WIPF3: variants seen among roughly 807,000 people sequenced by gnomAD.
The protein encoded by WIPF3 is WAS/WASL-interacting protein family member 3.
Under a neutral mutation model 38.9 loss-of-function variants are expected in WIPF3, and 33 were observed. The observed-to-expected ratio is 0.85, with a 90% confidence interval of 0.64 to 1.14. The LOEUF (loss-of-function observed/expected upper bound fraction) is 1.14, where lower values mean the gene tolerates loss of function less well. Among genes scored for constraint, WIPF3 ranks in the 50% most tolerant of loss-of-function variants. The pLI, the probability that WIPF3 is intolerant of heterozygous loss-of-function variation, is 0.00. For missense variants in WIPF3, 711 were observed against 652.5 expected (o/e 1.09, Z -0.98); for synonymous variants, 324 against 269.3 (o/e 1.20, Z -1.99).
At chr7:29,814,349 T>G (rs1415751744) in intron 1 of WIPF3, among the ~76,000 whole-genome samples, 1 of 152,252 alleles carries the variant, frequency 6.6e-6, no homozygotes, top group Non-Finnish European at 1.5e-5. Context: ...TGTTACAAGC[T>G]ATCATTTGTG....
At chr7:29,828,470 G>A (rs768572709) in intron 1 of WIPF3, among the ~76,000 whole-genome samples, 1 of 152,164 alleles carries the variant, frequency 6.6e-6, no homozygotes, top group African/African-American at 2.4e-5. Context: ...TGTGCGACCT[G>A]CAGACGTGTT....
chr7:29,830,631 A>C (rs1031766197), intron 1 of WIPF3, among the ~76,000 whole-genome samples: 1 of 151,916 alleles, frequency 6.6e-6, no homozygotes, highest in African/African-American at 2.4e-5. Flanking sequence ...AAAAAAAAAA[A>C]AAAAAGAAAG....
At chr7:29,831,146 T>C (rs1422713302) in intron 1 of WIPF3, among the ~76,000 whole-genome samples, 2 of 152,242 alleles carry the variant, frequency 1.3e-5, no homozygotes, top group Non-Finnish European at 2.9e-5. Flanking sequence ...TTTGTACTTA[T>C]TGTTGGTGGT....
chr7:29,884,372 C>CG lies in WIPF3; in HGVS notation c.879dup (p.Pro294AlafsTer24). 3 of 1,449,562 alleles carry CG rather than the reference C, an allele frequency of 2.1e-6. No homozygotes were observed. Among genetic ancestry groups the CG allele is most frequent in the South Asian group, 1.4e-5 (1 of 72,428 alleles). The allele number at this position is 1,449,562 out of a possible 1,614,324, so 89.8% of individuals were successfully genotyped here. ...GATGCGCAGGAGCCTCCCGCCCCGC[C>CG]GCCCCCGCTCCCCCCTTATGCTTCT... On this transcript the variant is annotated frameshift_variant, in exon 5 of 9. Transcript: ENST00000242140. LOFTEE classifies it high-confidence loss of function.
chr7:29,886,359 T>C (rs963580171), intron 5 of WIPF3, among the ~76,000 whole-genome samples: 17 of 139,488 alleles, frequency 1.2e-4, no homozygotes, highest in Non-Finnish European at 1.6e-4. Flanking sequence ...TTTTTTTTTT[T>C]TTTTTTTTTT....
Position 29,818,865 on chromosome 7 carries a change from A to G in WIPF3, c.-58+12187A>G, listed in dbSNP as rs188640597. On this transcript the variant is annotated intron_variant, in intron 1 of 8. Coordinates refer to ENST00000242140, the MANE Select transcript of WIPF3 (RefSeq NM_001080529.3). The stretch of plus-strand genomic sequence containing the variant: ...TATAGATATTTAGAGGCAGCTATGG[A>G]GATGATTGTATGATTTTCCTGTTTT... Among the ~76,000 whole-genome samples, 28 of 152,250 alleles carry G rather than the reference A, an allele frequency of 1.8e-4. 1 individual carries two copies. The highest frequency in any genetic ancestry group is 1.3e-3 in the Admixed American group (20 of 15,290).
intron 8 of WIPF3, among the ~76,000 whole-genome samples, chr7:29,911,576 C>T (rs1246443504): frequency 6.6e-6 from 1 of 151,784 alleles, no homozygotes. Flanking sequence ...ACATATAGAC[C>T]AATGGGATAG....
chr7:29,810,516 G>T (rs1360466487), intron 1 of WIPF3, among the ~76,000 whole-genome samples: 2 of 152,160 alleles, frequency 1.3e-5, no homozygotes, highest in Admixed American at 6.5e-5. Flanking sequence ...ATATCTGGAA[G>T]TATGTTCCAA....
intron 7 of WIPF3, among the ~76,000 whole-genome samples, chr7:29,903,470 A>T (rs1377323497): frequency 2.0e-5 from 3 of 151,866 alleles, no homozygotes; most frequent in Non-Finnish European, 4.4e-5. Flanking sequence ...TTTAAATAGC[A>T]CAGCAATCTG....
At chr7:29,814,276 C>CT (rs1220309744) in intron 1 of WIPF3, among the ~76,000 whole-genome samples, 6 of 152,062 alleles carry the variant, frequency 3.9e-5, no homozygotes, top group Non-Finnish European at 5.9e-5. Context: ...ATTATTACTT[C>CT]TTTTTTTCCC....
At chr7:29,846,818 T>G (rs976561946) in intron 2 of WIPF3, among the ~76,000 whole-genome samples, 1 of 152,244 alleles carries the variant, frequency 6.6e-6, no homozygotes, top group Non-Finnish European at 1.5e-5. Flanking sequence ...GTAGGGATCA[T>G]GTAATGGTGC....
chr7:29,820,304 A>T (rs1369181705), intron 1 of WIPF3, among the ~76,000 whole-genome samples: 2 of 152,096 alleles, frequency 1.3e-5, no homozygotes, highest in Non-Finnish European at 2.9e-5. Context: ...CTCTGTTTCA[A>T]ATCAGGTGTG....
rs1266810838 is a variant in WIPF3 at position 29,884,147 on chromosome 7, C to G, written c.653C>G (p.Pro218Arg). ...TKGNLPVVAP[P>R]VPCAPPPPPP... The stretch of plus-strand genomic sequence containing the variant: ...GGGAACCTCCCGGTGGTTGCACCCC[C>G]CGTCCCCTGTGCGCCACCACCTCCA... The change falls in exon 5 of 9, where the codon CCC becomes CGC. Residue 218 changes from proline to arginine, a missense_variant. Coordinates refer to ENST00000242140, the MANE Select transcript of WIPF3 (RefSeq NM_001080529.3). 4.6e-6 allele frequency: 7 copies of G among 1,533,334 alleles called. No homozygotes were observed. Among genetic ancestry groups the G allele is most frequent in the Middle Eastern group, 1.8e-4 (1 of 5,630 alleles). The allele number at this position is 1,533,334 out of a possible 1,614,324, so 95.0% of individuals were successfully genotyped here.
intron 2 of WIPF3, among the ~76,000 whole-genome samples, chr7:29,867,657 T>G (rs1178412050): frequency 6.6e-6 from 1 of 151,790 alleles, no homozygotes; most frequent in Non-Finnish European, 1.5e-5. Context: ...AATTTAAAAT[T>G]TAGTCTTAAA....
At chr7:29,864,583 T>C (rs1007075512) in intron 2 of WIPF3, among the ~76,000 whole-genome samples, 3 of 152,246 alleles carry the variant, frequency 2.0e-5, no homozygotes, top group African/African-American at 7.2e-5. Context: ...ACAAATAGGA[T>C]TGTATGATTG....
intron 8 of WIPF3, chr7:29,905,628 C>CA (rs370313938): frequency 0.021 from 3,121 of 146,306 alleles, 33 homozygotes; most frequent in South Asian, 0.058. Flanking sequence ...AAGGTGGGCA[C>CA]AAAAAAAAAA....
At chr7:29,900,963 T>C (rs1786263510) in intron 7 of WIPF3, among the ~76,000 whole-genome samples, 1 of 151,956 alleles carries the variant, frequency 6.6e-6, no homozygotes, top group South Asian at 2.1e-4. Context: ...CTCACAGGAA[T>C]TGCAGCCCAG....
intron 2 of WIPF3, among the ~76,000 whole-genome samples, chr7:29,870,239 AG>A (rs1466188639): frequency 6.6e-6 from 1 of 152,174 alleles, no homozygotes; most frequent in Admixed American, 6.5e-5. Context: ...ATGCATCGTG[AG>A]GGGATTTGAA....
intron 2 of WIPF3, among the ~76,000 whole-genome samples, chr7:29,857,139 C>T (rs773532012): frequency 2.8e-4 from 43 of 152,090 alleles, no homozygotes; most frequent in Non-Finnish European, 5.7e-4. Flanking sequence ...GCGTGAAGCA[C>T]AGAGCAGACA....
Sources: allele counts gnomAD v4.1 joint callset (sites outside exome capture counted in the v4.1 genomes callset), GRCh38; gene constraint gnomAD v4.1.1; transcripts MANE v1.5; gene names NCBI Gene and HGNC (gene_info 2026-07-23, HGNC 2026-07-21).